Variants in BOP1 observed in about 807,000 individuals in gnomAD.
BOP1 encodes BOP1 ribosomal biogenesis factor.
A neutral mutation model predicts 82.9 loss-of-function variants in BOP1; 54 were observed. The observed-to-expected ratio is 0.65, with a 90% CI of 0.52 to 0.82. The LOEUF (loss-of-function observed/expected upper bound fraction) is 0.82, where lower values mean the gene tolerates loss of function less well. Among genes scored for constraint, BOP1 ranks in the 40% least tolerant of loss-of-function variants. The probability of loss-of-function intolerance (pLI) is 0.00; values close to 1 mark genes in which losing one functional copy is unlikely to be tolerated. For missense variants in BOP1, 1,170 were observed against 1,072.0 expected (o/e 1.09, Z -1.28); for synonymous variants, 566 against 451.1 (o/e 1.25, Z -3.23).
chr8:144,280,599 T>C (rs1845653356), intron 2 of BOP1, among the ~76,000 whole-genome samples: 1 of 152,240 alleles, frequency 6.6e-6, no homozygotes, highest in African/African-American at 2.4e-5. Flanking sequence ...ACACCTGTCA[T>C]CCCAGCACTT....
intron 3 of BOP1, among the ~76,000 whole-genome samples, chr8:144,270,677 C>T (rs1008052750): frequency 6.6e-6 from 1 of 152,112 alleles, no homozygotes; most frequent in Admixed American, 6.5e-5. Flanking sequence ...CCCAGGCCTG[C>T]GGCAGCCCAC....
intron 3 of BOP1, among the ~76,000 whole-genome samples, chr8:144,272,144 T>G (rs915561486): frequency 6.6e-6 from 1 of 151,934 alleles, no homozygotes; most frequent in East Asian, 1.9e-4. Context: ...GGGCACAGGC[T>G]TGGGGCATGA....
At position 144,280,722 on chromosome 8, in the gene BOP1, G is replaced by A. The variant is rs587638392; in HGVS notation, c.310-4418C>T. Among the ~76,000 whole-genome samples the A allele has an allele frequency of 7.9e-5, 12 of 152,250 alleles. No individual in the cohort carries two copies. The South Asian group carries it at 2.1e-3, about 26-fold the overall frequency. ...CAAAAAATTAGCTGGGCTTGGTGGC[G>A]CTCACCTGTAATCACAGCGGGAGGC... On this transcript the variant is annotated intron_variant, in intron 2 of 15. Transcript: ENST00000569669.
chr8:144,271,591 G>A (rs1401868286), intron 3 of BOP1, among the ~76,000 whole-genome samples: 5 of 152,226 alleles, frequency 3.3e-5, no homozygotes, highest in East Asian at 3.9e-4. Context: ...TTTATCTGTT[G>A]AAGTGCTCAG....
rs1845294817 is a variant in BOP1, at chr8:144,263,821, C to T, written c.1221+10G>A. 1 of 1,610,628 alleles carries T rather than the reference C, an allele frequency of 6.2e-7. No individual in the cohort carries two copies. The highest frequency in any genetic ancestry group is 1.3e-5 in the African/African-American group (1 of 74,842). On this transcript the variant is annotated intron_variant, in intron 9 of 15. Transcript: ENST00000569669. The stretch of plus-strand genomic sequence containing the variant: ...GAGGGTGCAACCCCAGCCCCCTAGT[C>T]TCCACTTACCAGGGCCTGGCACGTG...
intron 3 of BOP1, among the ~76,000 whole-genome samples, chr8:144,271,197 A>G (rs1554837732): frequency 6.6e-6 from 1 of 151,940 alleles, no homozygotes. Flanking sequence ...CAACCGGCTG[A>G]TGTGTCGGCT....
intron 3 of BOP1, among the ~76,000 whole-genome samples, chr8:144,270,109 G>A (rs1309932751): frequency 8.5e-5 from 13 of 152,170 alleles, no homozygotes; most frequent in Non-Finnish European, 1.5e-4. Flanking sequence ...TGGGATGGAA[G>A]ATAGTGAAAG....
chr8:144,286,996 T>C (rs1253743714), intron 2 of BOP1, among the ~76,000 whole-genome samples: 1 of 152,222 alleles, frequency 6.6e-6, no homozygotes, highest in East Asian at 1.9e-4. Flanking sequence ...TACTTGGATA[T>C]GTTATTATGC....
chr8:144,282,048 C>G (rs1261658318), intron 2 of BOP1: 1 of 152,278 alleles, frequency 6.6e-6, no homozygotes, highest in South Asian at 2.1e-4. Context: ...TCTGAGCGCA[C>G]GGACCCCACA....
intron 3 of BOP1, among the ~76,000 whole-genome samples, chr8:144,275,383 C>T (rs1025890984): frequency 2.0e-5 from 3 of 152,188 alleles, no homozygotes; most frequent in African/African-American, 7.2e-5. Context: ...GGGCAGCCCC[C>T]CGCAGCCAAA....
At chr8:144,274,946 G>A (rs1022378923) in intron 3 of BOP1, among the ~76,000 whole-genome samples, 3 of 152,232 alleles carry the variant, frequency 2.0e-5, no homozygotes, top group Non-Finnish European at 4.4e-5. Context: ...GGGAGTGCGC[G>A]GCGTGGCCCC....
At chr8:144,281,616 A>ACTTTAATACCAGGTCTTC (rs879999220) in intron 2 of BOP1, 1 of 144,722 alleles carries the variant, frequency 6.9e-6, no homozygotes, top group African/African-American at 2.7e-5. Context: ...ACCAGGTCTT[A>ACTTTAATACCAGGTCTTC]GGCCTTCTCT....
At chr8:144,287,369 G>T (rs1554839589) in intron 2 of BOP1, among the ~76,000 whole-genome samples, 2 of 152,248 alleles carry the variant, frequency 1.3e-5, no homozygotes, top group Non-Finnish European at 2.9e-5. Context: ...TTTAAAAAGG[G>T]ACAGAAGACC....
rs1480426000 is a variant in BOP1 at position 144,276,291 on chromosome 8, C to G, written c.323G>C (p.Cys108Ser). The change falls in exon 3 of 16, where the codon TGC becomes TCC. Residue 108 changes from cysteine (C) to serine (S), a missense_variant. Cys to Ser is a moderately radical substitution (Grantham distance 112, BLOSUM62 -1). Transcript: ENST00000569669. ...TEEQVQASTPCPRTEMASARI... is the reference protein window; with the variant it reads ...TEEQVQASTPSPRTEMASARI... ...GGCGCTCGCCATCTCTGTCCTCGGG[C>G]AAGGAGTGCTGGCCTGCAGAGAGAG... 1 of 1,613,464 alleles carries G rather than the reference C, an allele frequency of 6.2e-7. No individual in the cohort carries two copies. Among genetic ancestry groups the G allele is most frequent in the African/African-American group, 1.3e-5 (1 of 75,036 alleles).
chr8:144,266,376 C>G (rs1845363579), intron 3 of BOP1, among the ~76,000 whole-genome samples: 1 of 151,868 alleles, frequency 6.6e-6, no homozygotes, highest in South Asian at 2.1e-4. Context: ...GAGGAGCCTC[C>G]GGGCTGAGAG....
Position 144,275,109 on chromosome 8 carries a change from G to T in BOP1, c.390+1115C>A, listed in dbSNP as rs999221912. On this transcript the variant is annotated intron_variant, in intron 3 of 15. Transcript: ENST00000569669. ...AGCCGAAGGATGGGGGAAGAACCTGGGGGGAGGGGGGCGCGTGTCTCCCCC... is the reference window on the plus strand; with the variant it reads ...AGCCGAAGGATGGGGGAAGAACCTGTGGGGAGGGGGGCGCGTGTCTCCCCC... 3.6e-4 allele frequency among the ~76,000 whole-genome samples: 55 copies of T among 152,234 alleles called. 1 individual carries two copies. In the East Asian group the frequency reaches 9.9e-3, roughly 27 times the overall value.
intron 2 of BOP1, among the ~76,000 whole-genome samples, chr8:144,286,298 A>G (rs1247319961): frequency 6.6e-6 from 1 of 152,174 alleles, no homozygotes; most frequent in Non-Finnish European, 1.5e-5. Context: ...GGTGCCCCTC[A>G]GCTAAAGCAC....
At chr8:144,276,009 GAC>G (rs1408218852) in intron 3 of BOP1, among the ~76,000 whole-genome samples, 3 of 152,202 alleles carry the variant, frequency 2.0e-5, no homozygotes, top group Non-Finnish European at 4.4e-5. Flanking sequence ...AAGCCATGAT[GAC>G]ACACATACAT....
At chr8:144,268,299 C>A in intron 3 of BOP1, 2 of 1,099,000 alleles carry the variant, frequency 1.8e-6, no homozygotes, top group Non-Finnish European at 1.3e-6. Context: ...GAGGGACAGA[C>A]GGACGTACAG....
Sources: gnomAD v4.1 joint callset for allele counts (sites outside exome capture counted in the v4.1 genomes callset) on GRCh38, gnomAD v4.1.1 for gene constraint, MANE v1.5 for transcripts, NCBI Gene and HGNC (gene_info 2026-07-23, HGNC 2026-07-21) for gene names.